DNA2: variants seen among roughly 807,000 people sequenced by gnomAD.
DNA2 encodes the protein DNA replication helicase/nuclease 2, also known as DNA replication ATP-dependent helicase/nuclease DNA2.
Under a neutral mutation model 119.1 loss-of-function variants are expected in DNA2, and 101 were observed. The observed-to-expected ratio is 0.85, with a 90% CI of 0.72 to 1.00. The LOEUF is 1.00. Among genes scored for constraint, DNA2 ranks in the 50% least tolerant of loss-of-function variants. DNA2 has a pLI of 0.00. For missense variants in DNA2, 1,121 were observed against 1,255.5 expected, an observed-to-expected ratio of 0.89 and a Z score of 1.62; for synonymous variants, 366 against 424.4, an observed-to-expected ratio of 0.86 and a Z score of 1.69.
intron 4 of DNA2, among the ~76,000 whole-genome samples, chr10:68,460,419 ATT>A (rs202173711): frequency 1.4e-5 from 2 of 143,056 alleles, no homozygotes; most frequent in Admixed American, 7.0e-5. Context: ...TAATACGGTA[ATT>A]TTTTTTTTTT....
At chr10:68,472,263 CT>C, upstream of DNA2, 1 of 1,090,512 alleles carries the variant, frequency 9.2e-7, no homozygotes, top group Non-Finnish European at 1.2e-6. Flanking sequence ...TGAACACAAC[CT>C]TTACACGCTT....
At chr10:68,429,605 G>A (rs1253449037) in intron 14 of DNA2, among the ~76,000 whole-genome samples, 1 of 145,474 alleles carries the variant, frequency 6.9e-6, no homozygotes, top group East Asian at 2.1e-4. Flanking sequence ...CCAGCTACTC[G>A]GAAGGCTGAG....
chr10:68,469,332 T>TC (rs1401107679), intron 2 of DNA2, among the ~76,000 whole-genome samples: 1 of 143,512 alleles, frequency 7.0e-6, no homozygotes, highest in African/African-American at 2.6e-5. Context: ...GATCACGAGG[T>TC]CAGGGGATTC....
chr10:68,451,096 TAAAAAAAAAA>T lies in DNA2; in HGVS notation c.720-859_720-850del, dbSNP rs754298528. ...ACCTGAGTGACAGAACAAGACTGTCTAAAAAAAAAAAAAAAAAAAAAGAAGAGCTATCTCC... is the reference window on the plus strand; with the variant it reads ...ACCTGAGTGACAGAACAAGACTGTCTAAAAAAAAAAAGAAGAGCTATCTCC... On this transcript the variant is annotated intron_variant, in intron 5 of 20. Transcript: ENST00000358410. 2.0e-4 allele frequency among the ~76,000 whole-genome samples: 20 copies of T among 98,840 alleles called. No homozygotes were observed. The East Asian group carries it at 5.6e-3, about 28-fold the overall frequency. 64.8% of individuals were successfully genotyped at this position (98,840 alleles called of 152,430 possible).
rs376624048 is a variant in DNA2 at position 68,416,809 on chromosome 10, G to T, written c.3014C>A (p.Thr1005Asn). Reference protein sequence around the residue: ...KDWRRLNVAITRAKHKLILLG... With the variant: ...KDWRRLNVAINRAKHKLILLG... The stretch of plus-strand genomic sequence containing the variant: ...AAGAATCAGTTTATGTTTGGCTCTG[G>T]TTATAGCAACATTAAGACGTCGCCA... Residue 1005 changes from threonine to asparagine, a missense_variant, in exon 20 of 21, where the codon ACC becomes AAC. Physicochemically the swap from Thr to Asn is moderately conservative, Grantham distance 65. Coordinates refer to ENST00000358410, the MANE Select transcript of DNA2 (RefSeq NM_001080449.3). 1 of 1,613,440 alleles carries T rather than the reference G, an allele frequency of 6.2e-7. No individual in the cohort carries two copies. Among genetic ancestry groups the T allele is most frequent in the African/African-American group, 1.3e-5 (1 of 74,904 alleles).
intron 6 of DNA2, among the ~76,000 whole-genome samples, chr10:68,447,170 C>T (rs1325139024): frequency 2.0e-5 from 3 of 151,928 alleles, no homozygotes; most frequent in Non-Finnish European, 4.4e-5. Context: ...AAAACAAAAA[C>T]GTAGTGAGAT....
chr10:68,458,879 A>G (rs1213330281), intron 5 of DNA2, among the ~76,000 whole-genome samples: 1 of 152,152 alleles, frequency 6.6e-6, no homozygotes, highest in East Asian at 1.9e-4. Flanking sequence ...GAAAATACAT[A>G]TCTACATATA....
At chr10:68,472,066 G>C (rs779978506), upstream of DNA2, 4 of 1,590,862 alleles carry the variant, frequency 2.5e-6, no homozygotes, top group South Asian at 4.5e-5. Context: ...GAGCAGCAGG[G>C]CTCTGTCCCC....
chr10:68,432,525 C>G lies in DNA2; in HGVS notation c.1647-15G>C. 3 of 1,358,730 alleles carry G rather than the reference C, an allele frequency of 2.2e-6. No individual in the cohort carries two copies. The South Asian group carries it at 3.9e-5, about 18-fold the overall frequency. The allele number at this position is 1,358,730 out of a possible 1,614,324, so 84.2% of individuals were successfully genotyped here. A position where few individuals can be genotyped will look rare whatever the true frequency, so the allele number is the denominator to read the frequency against. On this transcript the variant is annotated splice_polypyrimidine_tract_variant and intron_variant, in intron 10 of 20. Transcript: ENST00000358410. Reference sequence around the variant, plus strand: ...CCGACAAGTTTCTAAAACAACAAAACAAATATACATGAATGCTCGCCATTT... The same window carrying G: ...CCGACAAGTTTCTAAAACAACAAAAGAAATATACATGAATGCTCGCCATTT...
rs556565573 is a variant in DNA2 at position 68,471,955 on chromosome 10, C to G, written c.-91G>C. ...TTAGAAAAGGGAAAAAGGCGCGAGCCTGCGCACCTCGCGCGCATGCGCCAA... is the reference window on the plus strand; with the variant it reads ...TTAGAAAAGGGAAAAAGGCGCGAGCGTGCGCACCTCGCGCGCATGCGCCAA... On this transcript the variant is annotated 5_prime_UTR_variant, in exon 1 of 21. Transcript: ENST00000358410. 1.1e-5 allele frequency: 17 copies of G among 1,612,806 alleles called. No individual in the cohort carries two copies. The South Asian group carries it at 1.8e-4, about 17-fold the overall frequency.
At chr10:68,448,967 G>A (rs1273820323) in intron 6 of DNA2, among the ~76,000 whole-genome samples, 2 of 94,344 alleles carry the variant, frequency 2.1e-5, no homozygotes, top group African/African-American at 5.4e-5. Context: ...GTGTGTGTGT[G>A]CGTGTGTGTG....
intron 14 of DNA2, among the ~76,000 whole-genome samples, chr10:68,424,150 C>CA (rs1447930915): frequency 6.6e-6 from 1 of 151,812 alleles, no homozygotes; most frequent in Non-Finnish European, 1.5e-5. Context: ...AACCAAAAAA[C>CA]AAAGTCTCAG....
intron 6 of DNA2, among the ~76,000 whole-genome samples, chr10:68,449,404 A>G (rs1451739806): frequency 6.6e-6 from 1 of 152,198 alleles, no homozygotes; most frequent in Non-Finnish European, 1.5e-5. Flanking sequence ...AAACCTAATA[A>G]TAGGTGAAAC....
At chr10:68,453,998 C>T (rs1334019483) in intron 5 of DNA2, among the ~76,000 whole-genome samples, 1 of 152,214 alleles carries the variant, frequency 6.6e-6, no homozygotes, top group Non-Finnish European at 1.5e-5. Context: ...GAATTCCACA[C>T]TCTTTCCTTA....
At position 68,422,238 on chromosome 10, in the gene DNA2, A is replaced by T. The variant is rs2133361599; in HGVS notation, c.2684T>A (p.Leu895His). 7.5e-6 allele frequency: 12 copies of T among 1,595,310 alleles called. No homozygotes were observed. Among genetic ancestry groups the T allele is most frequent in the Non-Finnish European group, 1.0e-5 (12 of 1,173,230 alleles). Reference protein sequence around the residue: ...VFEPNNPVCFLNTDKVPAPEQ... With the variant: ...VFEPNNPVCFHNTDKVPAPEQ... ...TTTTTTTTTTACCTTGTCTGTATTAAGGAAACAAACAGGATTGTTGGGTTC... is the reference window on the plus strand; with the variant it reads ...TTTTTTTTTTACCTTGTCTGTATTATGGAAACAAACAGGATTGTTGGGTTC... The change falls in exon 17 of 21, where the codon CTT becomes CAT. Residue 895 changes from leucine (L) to histidine (H), a missense_variant. Leu to His is a moderately conservative substitution (Grantham distance 99). Transcript: ENST00000358410.
At chr10:68,425,489 C>T (rs575489647) in intron 14 of DNA2, among the ~76,000 whole-genome samples, 429 of 151,648 alleles carry the variant, frequency 2.8e-3, no homozygotes, top group Middle Eastern at 6.8e-3. Flanking sequence ...GCAAGCTCCG[C>T]CTCCCCGGTT....
At chr10:68,424,728 G>A (rs2133366207) in intron 14 of DNA2, 2 of 1,578,828 alleles carry the variant, frequency 1.3e-6, no homozygotes, top group South Asian at 2.2e-5. Context: ...CGAGGTCCAG[G>A]TAGTTCAAGG....
chr10:68,453,875 C>G (rs1440599764), intron 5 of DNA2, among the ~76,000 whole-genome samples: 3 of 152,128 alleles, frequency 2.0e-5, no homozygotes, highest in African/African-American at 7.2e-5. Context: ...AAACATATCC[C>G]CATCATTAAG....
At chr10:68,450,340 T>C (rs542322907) in intron 5 of DNA2, 93 bp from the exon 6 acceptor site, 2 of 987,746 alleles carry the variant, frequency 2.0e-6, no homozygotes, top group South Asian at 3.1e-5. Context: ...ACAGAGAATG[T>C]GGGGAGGGGA....
Sources: gnomAD v4.1 joint callset for allele counts (sites outside exome capture counted in the v4.1 genomes callset) on GRCh38, gnomAD v4.1.1 for gene constraint, MANE v1.5 for transcripts, NCBI Gene and HGNC (gene_info 2026-07-23, HGNC 2026-07-21) for gene names.